Variants in GPC6 observed in about 807,000 individuals in gnomAD.
GPC6 encodes glypican 6.
GPC6 carries 14 observed loss-of-function variants against 55.2 expected under a neutral mutation model. That is an observed-to-expected ratio of 0.25 (90% CI 0.17 to 0.40). The LOEUF (loss-of-function observed/expected upper bound fraction) is 0.40, where lower values mean the gene tolerates loss of function less well. Ranked by LOEUF, GPC6 falls within the 10% of genes least tolerant of loss-of-function variation. The pLI, the probability that GPC6 is intolerant of heterozygous loss-of-function variation, is 1.00. For missense variants in GPC6, 641 were observed against 708.5 expected, an observed-to-expected ratio of 0.90 and a Z score of 1.08; for synonymous variants, 278 against 259.6, an observed-to-expected ratio of 1.07 and a Z score of -0.68.
At chr13:93,822,072 T>A (rs1887067886) in intron 2 of GPC6, among the ~76,000 whole-genome samples, 1 of 151,900 alleles carries the variant, frequency 6.6e-6, no homozygotes, top group Non-Finnish European at 1.5e-5. Context: ...ATATTTTGCA[T>A]AAAATACATA....
chr13:93,724,498 G>A (rs1883559485), intron 2 of GPC6, among the ~76,000 whole-genome samples: 1 of 151,970 alleles, frequency 6.6e-6, no homozygotes, highest in East Asian at 1.9e-4. Context: ...CATCTTATAT[G>A]TTTGTTTTAA....
At chr13:93,572,222 A>T (rs1221002189) in intron 2 of GPC6, among the ~76,000 whole-genome samples, 1 of 152,104 alleles carries the variant, frequency 6.6e-6, no homozygotes, top group Admixed American at 6.6e-5. Context: ...CTACTAAAGG[A>T]TATAGGTTGG....
At chr13:93,478,470 C>T (rs571803731) in intron 1 of GPC6, among the ~76,000 whole-genome samples, 47 of 152,240 alleles carry the variant, frequency 3.1e-4, no homozygotes, top group Middle Eastern at 3.4e-3. Flanking sequence ...ACAAGTGGCA[C>T]CAACACAGGC....
chr13:93,765,310 T>TAAGATGTCTGGAAAGACAAC (rs1361108806), intron 2 of GPC6, among the ~76,000 whole-genome samples: 1 of 38,418 alleles, frequency 2.6e-5, no homozygotes, highest in African/African-American at 1.1e-4. Flanking sequence ...AGACAACTTA[T>TAAGATGTCTGGAAAGACAAC]TTGGTTTAAG....
intron 2 of GPC6, among the ~76,000 whole-genome samples, chr13:93,710,442 T>C (rs1047684790): frequency 6.6e-6 from 1 of 151,738 alleles, no homozygotes; most frequent in Non-Finnish European, 1.5e-5. Flanking sequence ...ATATCACATC[T>C]TGTGTAGTGA....
rs145805473 is a variant in GPC6 at position 94,110,398 on chromosome 13, G to T, written c.877+82504G>T. Among the ~76,000 whole-genome samples, 317 of 152,202 alleles carry T rather than the reference G, an allele frequency of 2.1e-3. 2 individuals carry two copies. The highest frequency in any genetic ancestry group is 3.8e-3 in the Non-Finnish European group (258 of 68,020). On this transcript the variant is annotated intron_variant, in intron 4 of 8. Coordinates refer to ENST00000377047, the MANE Select transcript of GPC6 (RefSeq NM_005708.5). Reference sequence around the variant, plus strand: ...TACCTTAATTTAGAAAAACCTATCTGCCTATTATAGTAAGTGAAGTAGAGT... The same window carrying T: ...TACCTTAATTTAGAAAAACCTATCTTCCTATTATAGTAAGTGAAGTAGAGT...
chr13:93,733,176 A>G (rs9589816), intron 2 of GPC6, among the ~76,000 whole-genome samples: 73,502 of 151,834 alleles, frequency 0.48, 19,724 homozygotes, highest in Middle Eastern at 0.74. Context: ...ATCCTTCTAC[A>G]CTCATCTTAC....
At chr13:93,892,406 C>T (rs1433483835) in intron 3 of GPC6, among the ~76,000 whole-genome samples, 3 of 152,096 alleles carry the variant, frequency 2.0e-5, no homozygotes, top group Non-Finnish European at 2.9e-5. Context: ...TCAGTGAGCT[C>T]ATATGGATTT....
intron 6 of GPC6, among the ~76,000 whole-genome samples, chr13:94,371,580 G>C (rs771564190): frequency 3.9e-5 from 6 of 152,164 alleles, no homozygotes; most frequent in Non-Finnish European, 8.8e-5. Flanking sequence ...ATGCACGTGA[G>C]GGCCTCAGCT....
chr13:94,282,961 A>G (rs115544139), intron 4 of GPC6, among the ~76,000 whole-genome samples: 2,829 of 152,340 alleles, frequency 0.019, 92 homozygotes, highest in African/African-American at 0.064. Context: ...TTAATTGGCA[A>G]AGATGCACAT....
At chr13:93,667,735 G>GTTTTGTTTTT (rs1881200160) in intron 2 of GPC6, among the ~76,000 whole-genome samples, 1 of 123,168 alleles carries the variant, frequency 8.1e-6, no homozygotes, top group Non-Finnish European at 1.6e-5. Flanking sequence ...GCCAGGACTT[G>GTTTTGTTTTT]TTTTTTTTTT....
chr13:94,078,950 A>C (rs1419145526), intron 4 of GPC6, among the ~76,000 whole-genome samples: 2 of 152,042 alleles, frequency 1.3e-5, no homozygotes, highest in Non-Finnish European at 1.5e-5. Flanking sequence ...CAAGAAAAAA[A>C]AATTTTAGGT....
chr13:93,800,279 C>G (rs1193951292), intron 2 of GPC6, among the ~76,000 whole-genome samples: 1 of 152,172 alleles, frequency 6.6e-6, no homozygotes, highest in East Asian at 1.9e-4. Context: ...CCATTTGATA[C>G]ATTTACTGTG....
chr13:93,696,734 T>TGCCTCA (rs1193726711), intron 2 of GPC6, among the ~76,000 whole-genome samples: 1 of 151,600 alleles, frequency 6.6e-6, no homozygotes, highest in African/African-American at 2.4e-5. Flanking sequence ...ATGATTCTCC[T>TGCCTCA]GCCTCAGCCT....
chr13:94,073,918 A>G (rs9516344), intron 4 of GPC6, among the ~76,000 whole-genome samples: 1 of 152,022 alleles, frequency 6.6e-6, no homozygotes, highest in Non-Finnish European at 1.5e-5. Context: ...CATCTCTTTG[A>G]CACTTGGGAA....
Position 94,404,865 on chromosome 13 carries a change from G to A in GPC6, c.*1648G>A, listed in dbSNP as rs1317131168. 4 of 152,208 alleles carry A rather than the reference G, an allele frequency of 2.6e-5. No homozygotes were observed. The highest frequency in any genetic ancestry group is 9.6e-5 in the African/African-American group (4 of 41,456). 9.4% of individuals were successfully genotyped at this position (152,208 alleles called of 1,614,324 possible). On this transcript the variant is annotated 3_prime_UTR_variant, in exon 9 of 9. Transcript: ENST00000377047. Reference sequence around the variant, plus strand: ...CAGGCCTTTCGCTCCCCCTGACAGAGAGAAGCAAAATAAACCCAACTGGGG... The same window carrying A: ...CAGGCCTTTCGCTCCCCCTGACAGAAAGAAGCAAAATAAACCCAACTGGGG...
intron 6 of GPC6, among the ~76,000 whole-genome samples, chr13:94,349,640 C>T (rs1375065035): frequency 6.6e-6 from 1 of 152,168 alleles, no homozygotes; most frequent in Non-Finnish European, 1.5e-5. Context: ...AATGGCCCTG[C>T]TCTTTGAAGG....
chr13:94,235,940 A>C (rs563982703), intron 4 of GPC6, among the ~76,000 whole-genome samples: 1 of 152,160 alleles, frequency 6.6e-6, no homozygotes, highest in African/African-American at 2.4e-5. Context: ...CGAAACTGAG[A>C]CCCTGAGAAC....
chr13:93,743,839 G>A (rs962706861), intron 2 of GPC6, among the ~76,000 whole-genome samples: 1 of 152,102 alleles, frequency 6.6e-6, no homozygotes, highest in African/African-American at 2.4e-5. Context: ...GGTATTGTGT[G>A]TATGGTGAGT....
Sources: allele counts gnomAD v4.1 joint callset (sites outside exome capture counted in the v4.1 genomes callset), GRCh38; gene constraint gnomAD v4.1.1; transcripts MANE v1.5; gene names NCBI Gene and HGNC (gene_info 2026-07-23, HGNC 2026-07-21).